The following ZRANB1 variants were observed in gnomAD, a reference collection of about 807,000 sequenced individuals.
ZRANB1 encodes the protein zinc finger RANBP2-type containing 1.
Under a neutral mutation model 80.5 loss-of-function variants are expected in ZRANB1, and 16 were observed. The observed-to-expected ratio is 0.20, with a 90% CI of 0.13 to 0.30. The LOEUF (loss-of-function observed/expected upper bound fraction) is 0.30, where lower values mean the gene tolerates loss of function less well. Ranked by LOEUF, ZRANB1 falls within the 10% of genes least tolerant of loss-of-function variation. The pLI, the probability that ZRANB1 is intolerant of heterozygous loss-of-function variation, is 1.00. For missense variants in ZRANB1, 576 were observed against 862.6 expected (o/e 0.67, Z 4.16); for synonymous variants, 291 against 293.1 (o/e 0.99, Z 0.07).
chr10:124,948,995 C>T (rs1951607861), intron 1 of ZRANB1, among the ~76,000 whole-genome samples: 1 of 152,040 alleles, frequency 6.6e-6, no homozygotes, highest in South Asian at 2.1e-4. Context: ...CCCAGGAGAG[C>T]CAGTTTTACT....
At chr10:124,980,250 T>C (rs1951920519) in intron 5 of ZRANB1, among the ~76,000 whole-genome samples, 1 of 152,226 alleles carries the variant, frequency 6.6e-6, no homozygotes, top group South Asian at 2.1e-4. Flanking sequence ...TTTGCTTGTC[T>C]GTTCTTATGG....
chr10:124,976,798 C>T (rs1951880258), intron 5 of ZRANB1, among the ~76,000 whole-genome samples: 1 of 151,908 alleles, frequency 6.6e-6, no homozygotes, highest in South Asian at 2.1e-4. Context: ...TCTCGAACTC[C>T]TGAGCTCAGG....
chr10:124,957,035 G>A (rs974048205), intron 1 of ZRANB1, among the ~76,000 whole-genome samples: 3 of 152,174 alleles, frequency 2.0e-5, no homozygotes, highest in Non-Finnish European at 4.4e-5. Context: ...AATTATCCAA[G>A]AAATTTAATA....
In ZRANB1 at chr10:124,962,374, C is replaced by T. The variant is rs894762708; in HGVS notation, c.815-4220C>T. The stretch of plus-strand genomic sequence containing the variant: ...GTGATGTCACAGCTACCATAGAACT[C>T]CAGGGTAGTGTTGGGCTGGCCCATG... On this transcript the variant is annotated intron_variant, in intron 1 of 8. Coordinates refer to ENST00000359653, the MANE Select transcript of ZRANB1 (RefSeq NM_017580.3). The T allele has an allele frequency of 8.1e-6, 8 of 985,292 alleles. No individual in the cohort carries two copies. The East Asian group carries it at 4.5e-4, about 56-fold the overall frequency. The allele number at this position is 985,292 out of a possible 1,614,324, so 61.0% of individuals were successfully genotyped here. A position where few individuals can be genotyped will look rare whatever the true frequency, so the allele number is the denominator to read the frequency against.
chr10:124,921,349 G>A, the ZRANB1 span, among the ~76,000 whole-genome samples: 1 of 152,206 alleles, frequency 6.6e-6, no homozygotes, highest in Non-Finnish European at 1.5e-5. Context: ...AGGAGAATAT[G>A]TGATTCACTA....
At chr10:124,919,895 G>A in the ZRANB1 span, among the ~76,000 whole-genome samples, 1 of 134,954 alleles carries the variant, frequency 7.4e-6, no homozygotes, top group Non-Finnish European at 1.5e-5. Flanking sequence ...ACAGGCGTGA[G>A]CCACCGCGCC....
intron 2 of ZRANB1, among the ~76,000 whole-genome samples, chr10:124,969,978 C>T (rs969163819): frequency 1.3e-5 from 2 of 152,102 alleles, no homozygotes; most frequent in African/African-American, 4.8e-5. Context: ...GGGTCCAGTC[C>T]AGGTGGTTTT....
intron 1 of ZRANB1, among the ~76,000 whole-genome samples, chr10:124,956,445 C>T (rs940034387): frequency 1.3e-5 from 2 of 152,124 alleles, no homozygotes; most frequent in African/African-American, 4.8e-5. Context: ...ACTATTTTCC[C>T]TGTCATTCTT....
At chr10:124,920,107 G>C in the ZRANB1 span, among the ~76,000 whole-genome samples, 1 of 151,406 alleles carries the variant, frequency 6.6e-6, no homozygotes, top group Non-Finnish European at 1.5e-5. Flanking sequence ...ATTTTTAGTA[G>C]AGACAGGGTT....
chr10:124,935,973 G>A, the ZRANB1 span, among the ~76,000 whole-genome samples: 2 of 152,314 alleles, frequency 1.3e-5, no homozygotes, highest in Middle Eastern at 3.4e-3. Context: ...ATAAAAGTAT[G>A]GTTGCTTGGA....
the ZRANB1 span, among the ~76,000 whole-genome samples, chr10:124,936,971 T>C: frequency 6.6e-6 from 1 of 152,148 alleles, no homozygotes; most frequent in African/African-American, 2.4e-5. Context: ...TTGTTGTTGT[T>C]TGAGACAGAG....
the ZRANB1 span, among the ~76,000 whole-genome samples, chr10:124,921,626 T>G: frequency 6.6e-6 from 1 of 152,314 alleles, no homozygotes; most frequent in East Asian, 1.9e-4. Context: ...ATTTTTCCCC[T>G]TGAAATTCAT....
Position 124,966,916 on chromosome 10 carries a change from CATTAAACT to C in ZRANB1, c.1002+136_1002+143del, listed in dbSNP as rs1250860349. Reference sequence around the variant, plus strand: ...TTCTTTTACCCCCTTTTAAAAATAACATTAAACTTAAGAGACTTAATTTTTAAGGGTAT... The same window carrying C: ...TTCTTTTACCCCCTTTTAAAAATAACTAAGAGACTTAATTTTTAAGGGTAT... On this transcript the variant is annotated intron_variant, in intron 2 of 8. Transcript: ENST00000359653. The C allele has an allele frequency of 5.0e-6, 4 of 807,156 alleles. No individual in the cohort carries two copies. In the African/African-American group the frequency reaches 6.9e-5, roughly 14 times the overall value. 50.0% of individuals were successfully genotyped at this position (807,156 alleles called of 1,614,324 possible).
At chr10:124,936,595 T>C in the ZRANB1 span, among the ~76,000 whole-genome samples, 4 of 152,200 alleles carry the variant, frequency 2.6e-5, no homozygotes, top group African/African-American at 9.7e-5. Context: ...ATCTTCACGA[T>C]CCTGGTCTAG....
the ZRANB1 span, among the ~76,000 whole-genome samples, chr10:124,917,641 C>A: frequency 2.6e-5 from 4 of 152,218 alleles, no homozygotes; most frequent in Non-Finnish European, 5.9e-5. Flanking sequence ...CCGCAATAGG[C>A]CGTAAACACT....
At chr10:124,925,075 T>C in the ZRANB1 span, among the ~76,000 whole-genome samples, 1 of 152,014 alleles carries the variant, frequency 6.6e-6, no homozygotes, top group Non-Finnish European at 1.5e-5. Context: ...GCCTGGCTAA[T>C]TTTTGTATTT....
chr10:124,919,945 C>G, the ZRANB1 span, among the ~76,000 whole-genome samples: 1 of 102,350 alleles, frequency 9.8e-6, no homozygotes, highest in African/African-American at 3.8e-5. Context: ...GAGACCTTGT[C>G]TCATCACTGT....
At chr10:124,957,520 T>G (rs1342421116) in intron 1 of ZRANB1, among the ~76,000 whole-genome samples, 2 of 152,160 alleles carry the variant, frequency 1.3e-5, no homozygotes, top group Non-Finnish European at 2.9e-5. Context: ...CTTTTTTACA[T>G]CTTGGAAAAC....
At chr10:124,946,160 G>A (rs907602810) in intron 1 of ZRANB1, 1 of 152,358 alleles carries the variant, frequency 6.6e-6, no homozygotes, top group African/African-American at 2.4e-5. Context: ...GCTCAGGTCT[G>A]TTAATCCCAG....
Sources: allele counts gnomAD v4.1 joint callset (sites outside exome capture counted in the v4.1 genomes callset), GRCh38; gene constraint gnomAD v4.1.1; transcripts MANE v1.5; gene names NCBI Gene and HGNC (gene_info 2026-07-23, HGNC 2026-07-21).